Variants in ADAMTSL1 observed in about 807,000 individuals in gnomAD.
The protein encoded by ADAMTSL1 is ADAMTS like 1, also known as ADAMTS-like protein 1.
A neutral mutation model predicts 201.8 loss-of-function variants in ADAMTSL1; 126 were observed. That is an observed-to-expected ratio of 0.62 (90% CI 0.54 to 0.72). ADAMTSL1 has a LOEUF of 0.72. Among genes scored for constraint, ADAMTSL1 ranks in the 30% least tolerant of loss-of-function variants. The probability of loss-of-function intolerance (pLI) is 0.00; values close to 1 mark genes in which losing one functional copy is unlikely to be tolerated. For missense variants in ADAMTSL1, 2,679 were observed against 2,277.8 expected (o/e 1.18, Z -3.59); for synonymous variants, 1,121 against 903.4 (o/e 1.24, Z -4.32).
intron 1 of ADAMTSL1, among the ~76,000 whole-genome samples, chr9:18,143,024 A>G (rs1427405590): frequency 2.6e-5 from 4 of 152,164 alleles, no homozygotes; most frequent in Admixed American, 6.5e-5. Context: ...TACTGGGTGC[A>G]ATGAGGATGA....
intron 2 of ADAMTSL1, among the ~76,000 whole-genome samples, chr9:18,295,093 A>G (rs138297473): frequency 5.3e-4 from 81 of 152,192 alleles, no homozygotes; most frequent in African/African-American, 1.8e-3. Flanking sequence ...CTGCTGCTTA[A>G]TGTCCTTAGA....
chr9:18,638,432 C>T (rs1017638040), intron 6 of ADAMTSL1, among the ~76,000 whole-genome samples: 5 of 152,158 alleles, frequency 3.3e-5, no homozygotes, highest in South Asian at 2.1e-4. Context: ...CATCTTTCTT[C>T]GTGCAACATA....
At chr9:18,475,026 G>A (rs985317588) in intron 1 of ADAMTSL1, among the ~76,000 whole-genome samples, 5 of 152,094 alleles carry the variant, frequency 3.3e-5, no homozygotes, top group African/African-American at 4.8e-5. Context: ...CTCATACTTG[G>A]TTTTATGGGC....
intron 1 of ADAMTSL1, among the ~76,000 whole-genome samples, chr9:18,496,969 G>C (rs562866892): frequency 1.3e-5 from 2 of 152,328 alleles, no homozygotes; most frequent in Non-Finnish European, 2.9e-5. Context: ...AATTTCGTTT[G>C]AGGGGGTGTT....
intron 23 of ADAMTSL1, among the ~76,000 whole-genome samples, chr9:18,840,236 T>G (rs1388266663): frequency 6.6e-6 from 1 of 152,064 alleles, no homozygotes; most frequent in African/African-American, 2.4e-5. Flanking sequence ...AGGGATCCAG[T>G]GTCAGCTTTC....
chr9:18,778,258 T>G, intron 19 of ADAMTSL1, among the ~76,000 whole-genome samples: 1 of 152,232 alleles, frequency 6.6e-6, no homozygotes, highest in Non-Finnish European at 1.5e-5. Flanking sequence ...ATGTTACTAC[T>G]CTGTAAGATG....
chr9:18,032,345 T>C (rs1434151220), intron 1 of ADAMTSL1, among the ~76,000 whole-genome samples: 1 of 152,194 alleles, frequency 6.6e-6, no homozygotes, highest in African/African-American at 2.4e-5. Context: ...AGTTGGGACT[T>C]AGCCCACAGC....
chr9:18,310,271 G>A (rs1291870289), intron 2 of ADAMTSL1, among the ~76,000 whole-genome samples: 2 of 147,578 alleles, frequency 1.4e-5, no homozygotes, highest in Non-Finnish European at 3.0e-5. Context: ...TAGGACATAG[G>A]CATGGGCAAA....
At chr9:18,474,043 A>G (rs547752588), upstream of ADAMTSL1, 129 of 541,352 alleles carry the variant, frequency 2.4e-4, no homozygotes, top group Non-Finnish European at 3.7e-4. Flanking sequence ...GCCTGCTCCG[A>G]GAGAGATTCC....
chr9:18,669,988 A>G (rs1378674779), intron 9 of ADAMTSL1, among the ~76,000 whole-genome samples: 1 of 152,132 alleles, frequency 6.6e-6, no homozygotes, highest in African/African-American at 2.4e-5. Flanking sequence ...TACTCACGAA[A>G]TAGCAAAGTG....
intron 1 of ADAMTSL1, among the ~76,000 whole-genome samples, chr9:17,927,008 G>T (rs1363453331): frequency 1.3e-5 from 2 of 152,088 alleles, no homozygotes; most frequent in African/African-American, 4.8e-5. Context: ...CGTCTCCAGA[G>T]CTCTTTTCAA....
chr9:18,000,455 A>G (rs902381731), intron 1 of ADAMTSL1, among the ~76,000 whole-genome samples: 3 of 151,872 alleles, frequency 2.0e-5, no homozygotes, highest in African/African-American at 7.2e-5. Flanking sequence ...CTATGGACCC[A>G]CAGTCAGAGG....
intron 2 of ADAMTSL1, among the ~76,000 whole-genome samples, chr9:18,328,289 T>C (rs1834902763): frequency 6.6e-6 from 1 of 152,240 alleles, no homozygotes; most frequent in African/African-American, 2.4e-5. Context: ...GTTTAATGGC[T>C]GGAGCTGCCT....
intron 20 of ADAMTSL1, among the ~76,000 whole-genome samples, chr9:18,814,506 C>T (rs977291884): frequency 8.5e-5 from 13 of 152,104 alleles, no homozygotes; most frequent in African/African-American, 2.4e-4. Context: ...TAAGGAACTC[C>T]GACAACTCAA....
chr9:18,027,325 T>C (rs1239369522), intron 1 of ADAMTSL1, among the ~76,000 whole-genome samples: 7 of 152,026 alleles, frequency 4.6e-5, no homozygotes, highest in Admixed American at 6.6e-5. Flanking sequence ...TTGAGATCTT[T>C]CTAACTTCTT....
intron 25 of ADAMTSL1, among the ~76,000 whole-genome samples, chr9:18,891,711 G>T (rs1358212919): frequency 1.3e-5 from 2 of 152,212 alleles, no homozygotes; most frequent in African/African-American, 4.8e-5. Context: ...ACCAAAATGT[G>T]CAGCAGGAAG....
chr9:18,558,976 T>G (rs976667376), intron 3 of ADAMTSL1, among the ~76,000 whole-genome samples: 1 of 152,128 alleles, frequency 6.6e-6, no homozygotes, highest in Non-Finnish European at 1.5e-5. Flanking sequence ...ACCCTGATGA[T>G]AGTTTATTTT....
At chr9:18,888,684 T>C (rs539123190) in intron 24 of ADAMTSL1, among the ~76,000 whole-genome samples, 38 of 152,238 alleles carry the variant, frequency 2.5e-4, no homozygotes, top group South Asian at 4.2e-4. Flanking sequence ...GGCCTTCTTA[T>C]AGTGTTTTCC....
chr9:18,273,785 A>G (rs986396789), intron 2 of ADAMTSL1, among the ~76,000 whole-genome samples: 2 of 152,196 alleles, frequency 1.3e-5, no homozygotes, highest in East Asian at 3.9e-4. Context: ...AATGGACAAA[A>G]TGTAATGTGA....
Sources: allele counts gnomAD v4.1 joint callset (sites outside exome capture counted in the v4.1 genomes callset), GRCh38; gene constraint gnomAD v4.1.1; transcripts MANE v1.5; gene names NCBI Gene and HGNC (gene_info 2026-07-23, HGNC 2026-07-21).